Variants in ADGRV1 observed in about 807,000 individuals in gnomAD.
ADGRV1 encodes G-protein coupled receptor 98.
Under a neutral mutation model 596.2 loss-of-function variants are expected in ADGRV1, and 359 were observed. The ratio of observed to expected loss-of-function variants is 0.60; its 90% confidence interval spans 0.55 to 0.66. The LOEUF (loss-of-function observed/expected upper bound fraction) is 0.66. Among genes scored for constraint, ADGRV1 ranks in the 30% least tolerant of loss-of-function variants. The probability of loss-of-function intolerance (pLI) is 0.00; values close to 1 mark genes in which losing one functional copy is unlikely to be tolerated. For missense variants in ADGRV1, 7,274 were observed against 7,575.6 expected (o/e 0.96, Z 1.48); for synonymous variants, 2,681 against 2,679.2 (o/e 1.00, Z -0.02).
chr5:90,873,276 A>G (rs894081699), intron 83 of ADGRV1, among the ~76,000 whole-genome samples: 3 of 152,210 alleles, frequency 2.0e-5, no homozygotes, highest in Non-Finnish European at 4.4e-5. Flanking sequence ...TTTCGGGAAC[A>G]TACACTCTGT....
At chr5:90,845,976 G>A (rs924618726) in intron 78 of ADGRV1, among the ~76,000 whole-genome samples, 1 of 152,024 alleles carries the variant, frequency 6.6e-6, no homozygotes, top group African/African-American at 2.4e-5. Context: ...TTTCCCTGTG[G>A]GTTATTCTCC....
chr5:91,054,305 TA>T (rs1420484016), intron 85 of ADGRV1, among the ~76,000 whole-genome samples: 1 of 152,198 alleles, frequency 6.6e-6, no homozygotes, highest in Non-Finnish European at 1.5e-5. Context: ...ATAAGCAACT[TA>T]AAACCTTTTT....
At chr5:90,993,075 C>T (rs887267212) in intron 85 of ADGRV1, among the ~76,000 whole-genome samples, 2 of 151,648 alleles carry the variant, frequency 1.3e-5, no homozygotes, top group African/African-American at 2.4e-5. Context: ...AAATCCAATG[C>T]ACTATGTCCC....
chr5:90,595,540 C>G (rs1428557967), intron 1 of ADGRV1, among the ~76,000 whole-genome samples: 1 of 129,080 alleles, frequency 7.7e-6, no homozygotes, highest in Non-Finnish European at 1.7e-5. Flanking sequence ...ACCTCCTGGA[C>G]GGGGCGGCTG....
intron 85 of ADGRV1, among the ~76,000 whole-genome samples, chr5:91,050,910 A>G (rs1786262663): frequency 6.6e-6 from 1 of 152,250 alleles, no homozygotes; most frequent in Admixed American, 6.5e-5. Flanking sequence ...GATATCCACT[A>G]GAATGTAAGC....
chr5:91,014,304 T>G (rs986993938), intron 85 of ADGRV1, among the ~76,000 whole-genome samples: 1 of 152,056 alleles, frequency 6.6e-6, no homozygotes, highest in Admixed American at 6.6e-5. Flanking sequence ...GATTTTTGCA[T>G]CGATGTTTAT....
chr5:90,811,212 G>A lies in ADGRV1; in HGVS notation c.15952G>A (p.Asp5318Asn). 6.2e-7 allele frequency: 1 copy of A among 1,613,244 alleles called. No individual in the cohort carries two copies. Among genetic ancestry groups the A allele is most frequent in the Middle Eastern group, 1.6e-4 (1 of 6,062 alleles). ...ACGTAAAGTATCAGTTCAAATTTTG[G>A]ATGATGATGAGCCTGAGGGGCAGGA... ...RERKVSVQIL[D>N]DDEPEGQEFF... is the part of the protein sequence containing the mutation. Residue 5318 changes from aspartate (D) to asparagine (N), a missense_variant, in exon 74 of 90, where the codon GAT becomes AAT. Physicochemically the swap from Asp to Asn is conservative, Grantham distance 23. Transcript: ENST00000405460.
In ADGRV1 at chr5:90,998,757, C is replaced by T. The variant is rs151301699; in HGVS notation, c.18152+13235C>T. ...TTTACACTAAAGCAACAAATAATGG[C>T]AGTGCCTGTTTCCCAACATTCTTGC... On this transcript the variant is annotated intron_variant, in intron 85 of 89. Coordinates refer to ENST00000405460, the MANE Select transcript of ADGRV1 (RefSeq NM_032119.4). 2.3e-3 allele frequency among the ~76,000 whole-genome samples: 344 copies of T among 152,220 alleles called. 1 individual carries two copies. The highest frequency in any genetic ancestry group is 3.5e-3 in the Non-Finnish European group (238 of 67,964).
intron 21 of ADGRV1, among the ~76,000 whole-genome samples, chr5:90,665,146 T>C (rs1210691938): frequency 6.6e-6 from 1 of 150,614 alleles, no homozygotes; most frequent in Non-Finnish European, 1.5e-5. Flanking sequence ...TTAGGGAGGA[T>C]TCCCTCTTTT....
intron 87 of ADGRV1, among the ~76,000 whole-genome samples, chr5:91,137,013 T>C (rs1794693281): frequency 6.6e-6 from 1 of 152,244 alleles, no homozygotes; most frequent in African/African-American, 2.4e-5. Flanking sequence ...AAAATGTACT[T>C]TTTAAAACAA....
At chr5:90,987,824 C>T (rs1279772360) in intron 85 of ADGRV1, among the ~76,000 whole-genome samples, 3 of 151,860 alleles carry the variant, frequency 2.0e-5, no homozygotes, top group Admixed American at 6.6e-5. Flanking sequence ...ATTCTTAGCT[C>T]ATTATGGAAG....
At chr5:90,646,703 A>C (rs1418144210) in intron 16 of ADGRV1, among the ~76,000 whole-genome samples, 2 of 149,490 alleles carry the variant, frequency 1.3e-5, no homozygotes, top group African/African-American at 4.9e-5. Flanking sequence ...GGGTTAATTT[A>C]CCTAATGCAG....
At chr5:90,824,088 G>C (rs11950742) in intron 76 of ADGRV1, among the ~76,000 whole-genome samples, 7,087 of 152,116 alleles carry the variant, frequency 0.047, 578 homozygotes, top group African/African-American at 0.16. Flanking sequence ...ATCTTGCATG[G>C]TATCTCTTTT....
intron 83 of ADGRV1, among the ~76,000 whole-genome samples, chr5:90,912,232 C>T (rs1772951261): frequency 6.6e-6 from 1 of 151,934 alleles, no homozygotes; most frequent in Non-Finnish European, 1.5e-5. Flanking sequence ...AAGGCTATTG[C>T]AGTGTGGATG....
chr5:90,619,383 G>T (rs1194746924), intron 4 of ADGRV1, among the ~76,000 whole-genome samples: 1 of 152,118 alleles, frequency 6.6e-6, no homozygotes, highest in African/African-American at 2.4e-5. Context: ...ACGCTTGTAT[G>T]ATCGTGGTCA....
intron 44 of ADGRV1, among the ~76,000 whole-genome samples, chr5:90,720,427 A>G (rs371384874): frequency 4.6e-5 from 7 of 152,192 alleles, no homozygotes; most frequent in Non-Finnish European, 8.8e-5. Flanking sequence ...TGTTATTAGA[A>G]TGGTGTTATT....
Position 90,657,983 on chromosome 5 carries a change from A to T in ADGRV1, c.4457A>T (p.Tyr1486Phe). The T allele has an allele frequency of 6.2e-7, 1 of 1,613,958 alleles. No homozygotes were observed. The highest frequency in any genetic ancestry group is 1.1e-5 in the South Asian group (1 of 91,084). The change falls in exon 21 of 90, where the codon TAT becomes TTT. Residue 1486 changes from tyrosine (Y) to phenylalanine (F), a missense_variant. Around this residue, in one of 5 missense-constraint regions of ADGRV1, gnomAD observed 3,643 missense variants for 3,809.2 expected, o/e 0.96. Coordinates refer to ENST00000405460, the MANE Select transcript of ADGRV1 (RefSeq NM_032119.4). ...GGTCTGATGCAGGATGTGAGGTCCT[A>T]TGAGCGGAAACTGACGCTTGAAGAA... Reference protein sequence around the residue: ...FTGLMQDVRSYERKLTLEEIY... With the variant: ...FTGLMQDVRSFERKLTLEEIY...
At position 90,958,423 on chromosome 5, in the gene ADGRV1, A is replaced by T. The variant is rs182372916; in HGVS notation, c.17857-6992A>T. Reference sequence around the variant, plus strand: ...AACTCCCAGCAAACAGCAAAGTAAGAATAGAAGGAATGGTCTTAACCTAAT... The same window carrying T: ...AACTCCCAGCAAACAGCAAAGTAAGTATAGAAGGAATGGTCTTAACCTAAT... On this transcript the variant is annotated intron_variant, in intron 83 of 89. Coordinates refer to ENST00000405460, the MANE Select transcript of ADGRV1 (RefSeq NM_032119.4). Among the ~76,000 whole-genome samples the T allele has an allele frequency of 8.5e-5, 13 of 152,328 alleles. No homozygotes were observed. In the East Asian group the frequency reaches 2.1e-3, roughly 25 times the overall value.
intron 21 of ADGRV1, among the ~76,000 whole-genome samples, chr5:90,662,772 A>C (rs1580644629): frequency 1.3e-5 from 2 of 151,330 alleles, no homozygotes; most frequent in South Asian, 2.1e-4. Flanking sequence ...TCCCCCCACC[A>C]CACAACAGTC....
Sources: allele counts gnomAD v4.1 joint callset (sites outside exome capture counted in the v4.1 genomes callset), GRCh38; gene constraint gnomAD v4.1.1; regional missense constraint gnomAD v4.1.1; transcripts MANE v1.5; gene names NCBI Gene and HGNC (gene_info 2026-07-23, HGNC 2026-07-21).